The following JMJD1C variants were observed in gnomAD, a reference collection of about 807,000 sequenced individuals.
JMJD1C encodes jumonji domain containing 1C.
In JMJD1C, 31 loss-of-function variants were observed where a neutral mutation model predicts 245.3. The observed-to-expected ratio is 0.13, with a 90% CI of 0.09 to 0.17. The LOEUF is 0.17. JMJD1C is among the 10% of genes least tolerant of loss of function. The probability of loss-of-function intolerance (pLI) is 1.00; values close to 1 mark genes in which losing one functional copy is unlikely to be tolerated. For synonymous variants in JMJD1C, 1,057 were observed against 1,017.4 expected (o/e 1.04, Z -0.74); for missense variants, 2,691 against 3,000.2 (o/e 0.90, Z 2.41).
intron 1 of JMJD1C, among the ~76,000 whole-genome samples, chr10:63,499,347 C>G (rs889222389): frequency 6.6e-6 from 1 of 152,216 alleles, no homozygotes. Flanking sequence ...AGTAGGCAGA[C>G]AAGGGTTCCG....
Position 63,176,326 on chromosome 10 carries a change from T to C in JMJD1C, c.7372A>G (p.Ile2458Val), listed in dbSNP as rs144459930. The change falls in exon 24 of 26, where the codon ATT (isoleucine) becomes GTT (valine). Residue 2458 changes from isoleucine (I) to valine (V), a missense_variant. Transcript: ENST00000399262. ...TGAAGTGCTCCCGCTGGCAAAACAA[T>C]AGCATCACCAAGGAACTGAATAAGA... is the stretch of plus-strand genomic sequence containing the variant. Reference protein sequence around the residue: ...CTLIQFLGDAIVLPAGALHQV... With the variant: ...CTLIQFLGDAVVLPAGALHQV... 46 of 1,613,304 alleles carry C rather than the reference T, an allele frequency of 2.9e-5. No homozygotes were observed. In the East Asian group the frequency reaches 6.2e-4, roughly 22 times the overall value.
intron 2 of JMJD1C, among the ~76,000 whole-genome samples, chr10:63,291,575 A>G (rs1197542501): frequency 2.0e-5 from 3 of 151,154 alleles, no homozygotes; most frequent in Non-Finnish European, 4.4e-5. Flanking sequence ...AGATCATGCC[A>G]CTGCACTACA....
At chr10:63,481,751 T>C (rs1407894400) in intron 1 of JMJD1C, among the ~76,000 whole-genome samples, 1 of 151,706 alleles carries the variant, frequency 6.6e-6, no homozygotes, top group Non-Finnish European at 1.5e-5. Context: ...GAGGTAAAAA[T>C]CAGGAGAGAA....
At chr10:63,467,086 C>T (rs942812634), upstream of JMJD1C, among the ~76,000 whole-genome samples, 4 of 152,042 alleles carry the variant, frequency 2.6e-5, no homozygotes, top group African/African-American at 9.7e-5. Context: ...TCTGTTTTCT[C>T]TAGAACACTC....
At chr10:63,292,050 A>C (rs1040237408) in intron 2 of JMJD1C, among the ~76,000 whole-genome samples, 10 of 150,612 alleles carry the variant, frequency 6.6e-5, no homozygotes, top group Non-Finnish European at 1.5e-4. Flanking sequence ...TCTTGGACTC[A>C]AGCAATCCTC....
At position 63,486,137 on chromosome 10, in the gene JMJD1C, T is replaced by TAAAAAAA. The variant is rs1166721473; in HGVS notation, n.113+35594_113+35600dup. ...GAAAGTAAAGGGCTTCAAGCAATTG[T>TAAAAAAA]AAAAAAAAAAAAAAAAAAAAAAAAA... On this transcript the variant is annotated intron_variant and non_coding_transcript_variant, in intron 1 of 3. Coordinates refer to the JMJD1C transcript ENST00000633035. 3.0e-3 allele frequency among the ~76,000 whole-genome samples: 223 copies of TAAAAAAA among 73,230 alleles called. 1 individual carries two copies. The highest frequency in any genetic ancestry group is 0.016 in the African/African-American group (194 of 12,274). The allele number at this position is 73,230 out of a possible 152,430, so 48.0% of individuals were successfully genotyped here.
intron 1 of JMJD1C, among the ~76,000 whole-genome samples, chr10:63,512,420 GTCTT>G (rs1954898681): frequency 2.6e-5 from 4 of 151,894 alleles, no homozygotes; most frequent in South Asian, 4.1e-4. Context: ...CTTTGAGTAA[GTCTT>G]TATTCTTCCT....
chr10:63,262,223 T>G (rs892426946), intron 3 of JMJD1C, among the ~76,000 whole-genome samples: 2 of 152,214 alleles, frequency 1.3e-5, no homozygotes, highest in Non-Finnish European at 2.9e-5. Flanking sequence ...TTTAATGTAC[T>G]GCTTGGACAA....
At chr10:63,492,983 TA>T (rs1212124193) in intron 1 of JMJD1C, among the ~76,000 whole-genome samples, 24 of 152,222 alleles carry the variant, frequency 1.6e-4, no homozygotes, top group African/African-American at 5.3e-4. Context: ...TCAAGGTAAG[TA>T]TCAGGTGAAA....
Position 63,430,679 on chromosome 10 carries a change from C to A in JMJD1C, c.168+34816G>T, listed in dbSNP as rs1036281337. Among the ~76,000 whole-genome samples the A allele has an allele frequency of 1.3e-5, 2 of 152,154 alleles. 1 individual carries two copies. Among genetic ancestry groups the A allele is most frequent in the South Asian group, 4.1e-4 (2 of 4,830 alleles). ...AGATAGGGGTCATGGTTGCACAACT[C>A]TGTGGTATACTACAAATCAATGAAT... On this transcript the variant is annotated intron_variant, in intron 1 of 25. Transcript: ENST00000399262.
chr10:63,214,082 T>G lies in JMJD1C; in HGVS notation c.2085A>C (p.Thr695=). 1.2e-6 allele frequency: 2 copies of G among 1,614,172 alleles called. No individual in the cohort carries two copies. The highest frequency in any genetic ancestry group is 2.2e-5 in the South Asian group (2 of 91,088). Residue 695 remains threonine (T), a synonymous_variant, in exon 8 of 26, where the codon ACA becomes ACC. Coordinates refer to ENST00000399262, the MANE Select transcript of JMJD1C (RefSeq NM_032776.3). ...TAAGAGGACTCTTTGTAGTTTCTAA[T>G]GTACTGCTTCGAGTAGGAATTGGAT... ...SFHPIPTRSS[T]LETTKSPLII...
chr10:63,456,626 A>G (rs900741728), intron 1 of JMJD1C, among the ~76,000 whole-genome samples: 36 of 152,164 alleles, frequency 2.4e-4, no homozygotes, highest in African/African-American at 7.0e-4. Context: ...TTAGTCACAC[A>G]GACCTCTTCT....
upstream of JMJD1C, among the ~76,000 whole-genome samples, chr10:63,469,383 G>A (rs1471594824): frequency 1.3e-5 from 2 of 152,074 alleles, no homozygotes; most frequent in African/African-American, 2.4e-5. Flanking sequence ...TTAAGAAACT[G>A]GTTTTCAAAA....
At chr10:63,236,390 C>T (rs572193162) in intron 3 of JMJD1C, among the ~76,000 whole-genome samples, 103 of 152,272 alleles carry the variant, frequency 6.8e-4, no homozygotes, top group Non-Finnish European at 1.2e-3. Flanking sequence ...CATTATAAAA[C>T]CACTTGAAGA....
chr10:63,382,755 T>C (rs72835392), intron 1 of JMJD1C: 17,284 of 455,792 alleles, frequency 0.038, 640 homozygotes, highest in African/African-American at 0.14. Flanking sequence ...TTCTCATCAC[T>C]TATATTTTTA....
intron 1 of JMJD1C, among the ~76,000 whole-genome samples, chr10:63,500,746 A>AGGAAGGAT (rs1954524239): frequency 8.0e-5 from 9 of 112,068 alleles, no homozygotes; most frequent in Admixed American, 8.3e-5. Flanking sequence ...GATGGATGGA[A>AGGAAGGAT]GGATGGATGG....
At chr10:63,284,160 G>A (rs1298367120) in intron 2 of JMJD1C, among the ~76,000 whole-genome samples, 1 of 151,950 alleles carries the variant, frequency 6.6e-6, no homozygotes, top group African/African-American at 2.4e-5. Context: ...TGAGTAACAG[G>A]GATACAGGCG....
intron 8 of JMJD1C, among the ~76,000 whole-genome samples, chr10:63,212,963 G>A (rs944720861): frequency 2.0e-5 from 3 of 150,936 alleles, no homozygotes; most frequent in African/African-American, 4.9e-5. Flanking sequence ...CGAGACAGAC[G>A]GATCACAAGG....
intron 10 of JMJD1C, among the ~76,000 whole-genome samples, chr10:63,201,621 A>T (rs1846015564): frequency 6.6e-6 from 1 of 152,190 alleles, no homozygotes; most frequent in Non-Finnish European, 1.5e-5. Flanking sequence ...TAAAATTTTT[A>T]AAAACATATT....
Sources: gnomAD v4.1 joint callset for allele counts (sites outside exome capture counted in the v4.1 genomes callset) on GRCh38, gnomAD v4.1.1 for gene constraint, MANE v1.5 for transcripts, NCBI Gene and HGNC (gene_info 2026-07-23, HGNC 2026-07-21) for gene names.